ZNF521: variants seen among roughly 807,000 people sequenced by gnomAD.
ZNF521 encodes the protein LYST-interacting protein 3.
A neutral mutation model predicts 105.5 loss-of-function variants in ZNF521; 14 were observed. The observed-to-expected ratio is 0.13, with a 90% CI of 0.09 to 0.21. The LOEUF (loss-of-function observed/expected upper bound fraction) is 0.21. Ranked by LOEUF, ZNF521 falls within the 10% of genes least tolerant of loss-of-function variation. The pLI is 1.00. For missense variants in ZNF521, 1,233 were observed against 1,629.7 expected (o/e 0.76, Z 4.19); for synonymous variants, 635 against 606.0 (o/e 1.05, Z -0.70).
intron 2 of ZNF521, among the ~76,000 whole-genome samples, chr18:25,339,427 C>A (rs1049078865): frequency 2.6e-5 from 4 of 152,190 alleles, no homozygotes; most frequent in Admixed American, 2.6e-4. Flanking sequence ...TCACTGATAT[C>A]GCTGTTAAAT....
Position 25,157,563 on chromosome 18 carries a change from T to C in ZNF521, c.3658+37597A>G, listed in dbSNP as rs145421319. Among the ~76,000 whole-genome samples, 553 of 152,206 alleles carry C rather than the reference T, an allele frequency of 3.6e-3. 2 individuals are homozygous for C. The highest frequency in any genetic ancestry group is 0.013 in the African/African-American group (532 of 41,540). On this transcript the variant is annotated intron_variant, in intron 5 of 7. Transcript: ENST00000361524. ...TCCAGTGTAGACCGTGCAAAACGTC[T>C]AAGTGGATTGCTTAAGCAAAGATGG...
chr18:25,103,847 G>A (rs954379169), intron 5 of ZNF521, among the ~76,000 whole-genome samples: 1 of 151,782 alleles, frequency 6.6e-6, no homozygotes, highest in Non-Finnish European at 1.5e-5. Context: ...AGGAAGGGAG[G>A]AAGGAAAGAC....
rs1044348559 is a variant in ZNF521 at position 25,321,957 on chromosome 18, A to G, written c.220+51T>C. 5 of 1,518,978 alleles carry G rather than the reference A, an allele frequency of 3.3e-6. No individual in the cohort carries two copies. In the East Asian group the frequency reaches 6.8e-5, roughly 21 times the overall value. The allele number at this position is 1,518,978 out of a possible 1,614,324, so 94.1% of individuals were successfully genotyped here. Reference sequence around the variant, plus strand: ...ACACATAAAGGAACAAACTGAAAAAATCAGAAATAGAACAGTACAAGAAGA... The same window carrying G: ...ACACATAAAGGAACAAACTGAAAAAGTCAGAAATAGAACAGTACAAGAAGA... On this transcript the variant is annotated intron_variant, in intron 3 of 7. Coordinates refer to ENST00000361524, the MANE Select transcript of ZNF521 (RefSeq NM_015461.3).
At chr18:25,347,773 CCTAA>C (rs1207402984) in intron 2 of ZNF521, among the ~76,000 whole-genome samples, 17 of 152,208 alleles carry the variant, frequency 1.1e-4, no homozygotes, top group Non-Finnish European at 2.5e-4. Context: ...AGACTCCAAA[CCTAA>C]CTGACATTGT....
chr18:25,309,299 T>C (rs1209154269), intron 3 of ZNF521, among the ~76,000 whole-genome samples: 1 of 152,184 alleles, frequency 6.6e-6, no homozygotes, highest in Non-Finnish European at 1.5e-5. Context: ...TGGTAAGAAA[T>C]GATTGAGGTT....
intron 4 of ZNF521, chr18:25,201,008 T>C (rs965515706): frequency 6.6e-6 from 1 of 152,036 alleles, no homozygotes; most frequent in Non-Finnish European, 1.5e-5. Flanking sequence ...TCACATACTT[T>C]GGAATCTTGG....
chr18:25,064,097 G>A (rs1056962466), intron 7 of ZNF521, among the ~76,000 whole-genome samples: 1 of 152,252 alleles, frequency 6.6e-6, no homozygotes, highest in African/African-American at 2.4e-5. Context: ...GCGCTGCAGT[G>A]CTCAGGAAAG....
intron 3 of ZNF521, among the ~76,000 whole-genome samples, chr18:25,240,223 G>A (rs975532745): frequency 6.6e-6 from 1 of 152,106 alleles, no homozygotes; most frequent in Admixed American, 6.6e-5. Context: ...TCCCCCATCA[G>A]AGTAAGAAGA....
In ZNF521 at chr18:25,089,338, C is replaced by T. The variant is rs911781104; in HGVS notation, c.3906+127G>A. ...TCCAGGCTCTAATTTTCCCTTTGCCCCCAATACACACAAAGCATCATGGTG... is the reference window on the plus strand; with the variant it reads ...TCCAGGCTCTAATTTTCCCTTTGCCTCCAATACACACAAAGCATCATGGTG... On this transcript the variant is annotated intron_variant, in intron 7 of 7. Coordinates refer to ENST00000361524, the MANE Select transcript of ZNF521 (RefSeq NM_015461.3). 35 of 707,746 alleles carry T rather than the reference C, an allele frequency of 4.9e-5. 1 individual carries two copies. The highest frequency in any genetic ancestry group is 5.9e-5 in the Non-Finnish European group (25 of 424,312). The allele number at this position is 707,746 out of a possible 1,614,324, so 43.8% of individuals were successfully genotyped here.
chr18:25,172,900 A>T (rs1201724024), intron 5 of ZNF521, among the ~76,000 whole-genome samples: 4 of 152,226 alleles, frequency 2.6e-5, no homozygotes, highest in Admixed American at 6.5e-5. Flanking sequence ...CCACCTGTAC[A>T]TATAAAATTC....
intron 2 of ZNF521, among the ~76,000 whole-genome samples, chr18:25,335,076 A>T (rs1010322564): frequency 2.0e-5 from 3 of 152,186 alleles, no homozygotes; most frequent in African/African-American, 7.2e-5. Flanking sequence ...CCGATTGTGC[A>T]CACAGGACCA....
At chr18:25,221,850 CATATT>C (rs1905745300) in intron 4 of ZNF521, among the ~76,000 whole-genome samples, 1 of 152,038 alleles carries the variant, frequency 6.6e-6, no homozygotes, top group Non-Finnish European at 1.5e-5. Flanking sequence ...TTCTTGCTGA[CATATT>C]ATTTTTAGGC....
chr18:25,062,433 T>C lies in ZNF521; in HGVS notation c.*279A>G, dbSNP rs2032919819. On this transcript the variant is annotated 3_prime_UTR_variant, in exon 8 of 8. Transcript: ENST00000361524. Reference sequence around the variant, plus strand: ...ATTTTGGTCATAGTCTTTTTTTTTTTTTAATCTTGCCTGAATAGGGCCCAA... The same window carrying C: ...ATTTTGGTCATAGTCTTTTTTTTTTCTTAATCTTGCCTGAATAGGGCCCAA... The C allele has an allele frequency of 5.5e-6, 2 of 365,850 alleles. No homozygotes were observed. The highest frequency in any genetic ancestry group is 4.7e-5 in the Admixed American group (1 of 21,182). The allele number at this position is 365,850 out of a possible 1,614,324, so 22.7% of individuals were successfully genotyped here. A position where few individuals can be genotyped will look rare whatever the true frequency, so the allele number is the denominator to read the frequency against.
chr18:25,282,340 C>G (rs749225045), intron 3 of ZNF521, among the ~76,000 whole-genome samples: 11 of 152,094 alleles, frequency 7.2e-5, no homozygotes, highest in Admixed American at 7.2e-4. Flanking sequence ...ACATGCACAT[C>G]GGAACCACTG....
At chr18:25,149,131 A>G (rs1369037291) in intron 5 of ZNF521, among the ~76,000 whole-genome samples, 2 of 152,200 alleles carry the variant, frequency 1.3e-5, no homozygotes, top group African/African-American at 4.8e-5. Context: ...CTTCTGGCAC[A>G]CAGGATGAAG....
At chr18:25,312,900 G>A (rs1912397691) in intron 3 of ZNF521, among the ~76,000 whole-genome samples, 1 of 151,984 alleles carries the variant, frequency 6.6e-6, no homozygotes, top group African/African-American at 2.4e-5. Context: ...GGAAGAACTT[G>A]GTGGGAGCCC....
Position 25,350,920 on chromosome 18 carries a change from C to T in ZNF521, c.27G>A (p.Pro9=). 2.6e-6 allele frequency: 4 copies of T among 1,550,576 alleles called. No individual in the cohort carries two copies. Among genetic ancestry groups the T allele is most frequent in the Non-Finnish European group, 3.5e-6 (4 of 1,146,286 alleles). MSRRKQAK[P]RSLKDPNCKL... is the part of the protein sequence containing the mutation. Reference sequence around the variant, plus strand: ...GTTCCTCCTTACCTTTGAGGGATCTCGGTTTCGCTTGCTTGCGGCGAGACA... The same window carrying T: ...GTTCCTCCTTACCTTTGAGGGATCTTGGTTTCGCTTGCTTGCGGCGAGACA... The change falls in exon 2 of 8, where the codon CCG becomes CCA. Residue 9 remains proline, a synonymous_variant. Coordinates refer to ENST00000361524, the MANE Select transcript of ZNF521 (RefSeq NM_015461.3).
chr18:25,175,921 T>C (rs767841588), intron 5 of ZNF521, among the ~76,000 whole-genome samples: 4 of 152,230 alleles, frequency 2.6e-5, no homozygotes, highest in Admixed American at 6.5e-5. Context: ...TGTTTATAAA[T>C]CAGGCTCTAT....
At position 25,194,214 on chromosome 18, in the gene ZNF521, T is replaced by C. The variant is rs1175738414; in HGVS notation, c.3658+946A>G. Among the ~76,000 whole-genome samples, 3 of 151,740 alleles carry C rather than the reference T, an allele frequency of 2.0e-5. No homozygotes were observed. In the East Asian group the frequency reaches 5.8e-4, roughly 29 times the overall value. On this transcript the variant is annotated intron_variant, in intron 5 of 7. Coordinates refer to ENST00000361524, the MANE Select transcript of ZNF521 (RefSeq NM_015461.3). ...CATAGTAGGAGAGTATGAGGTTAAT[T>C]TGACTTTTTAAATATTATAATTATT...
Sources: gnomAD v4.1 joint callset for allele counts (sites outside exome capture counted in the v4.1 genomes callset) on GRCh38, gnomAD v4.1.1 for gene constraint, MANE v1.5 for transcripts, NCBI Gene and HGNC (gene_info 2026-07-23, HGNC 2026-07-21) for gene names.